The following OPCML variants were observed in gnomAD, a reference collection of about 807,000 sequenced individuals.
OPCML encodes opioid binding protein/cell adhesion molecule like, also known as opioid-binding protein/cell adhesion molecule.
A neutral mutation model predicts 37.8 loss-of-function variants in OPCML; 13 were observed. The observed-to-expected ratio is 0.34, with a 90% CI of 0.22 to 0.55. The LOEUF (loss-of-function observed/expected upper bound fraction) is 0.55, where lower values mean the gene tolerates loss of function less well. Ranked by LOEUF, OPCML falls within the 20% of genes least tolerant of loss-of-function variation. The pLI is 0.91. For synonymous variants in OPCML, 176 were observed against 168.8 expected (o/e 1.04, Z -0.33); for missense variants, 341 against 435.6 (o/e 0.78, Z 1.93).
At chr11:133,472,107 G>C (rs1947129489) in intron 1 of OPCML, among the ~76,000 whole-genome samples, 1 of 152,086 alleles carries the variant, frequency 6.6e-6, no homozygotes, top group Admixed American at 6.5e-5. Context: ...CTGTCAAAAA[G>C]ACAAGTGAAC....
chr11:132,775,712 T>C (rs1365754431), intron 2 of OPCML, among the ~76,000 whole-genome samples: 1 of 152,182 alleles, frequency 6.6e-6, no homozygotes, highest in African/African-American at 2.4e-5. Context: ...GCCCTGGGCA[T>C]CCTGCAGAGG....
intron 1 of OPCML, among the ~76,000 whole-genome samples, chr11:133,051,787 A>G (rs1948136276): frequency 6.6e-6 from 1 of 152,190 alleles, no homozygotes; most frequent in South Asian, 2.1e-4. Flanking sequence ...AACATTTCAA[A>G]TCCTGTACAA....
rs542012202 is a variant in OPCML, at chr11:133,479,612, T to C, written c.61+52652A>G. ...CAAGAAGGGCAGCACACCAAAGGAA[T>C]CCTACAGTGACTCAGGTCAAGCGTC... On this transcript the variant is annotated intron_variant, in intron 1 of 7. Transcript: ENST00000524381. 3.9e-5 allele frequency among the ~76,000 whole-genome samples: 6 copies of C among 152,238 alleles called. No homozygotes were observed. In the South Asian group the frequency reaches 1.0e-3, roughly 26 times the overall value.
At chr11:133,302,795 T>A (rs1400646373) in intron 1 of OPCML, among the ~76,000 whole-genome samples, 1 of 152,226 alleles carries the variant, frequency 6.6e-6, no homozygotes, top group Non-Finnish European at 1.5e-5. Context: ...TGAATCTAAA[T>A]TCTTATGAAT....
At chr11:133,470,296 A>C (rs1357300718) in intron 1 of OPCML, among the ~76,000 whole-genome samples, 2 of 152,216 alleles carry the variant, frequency 1.3e-5, no homozygotes, top group African/African-American at 4.8e-5. Context: ...GTTTTTGACC[A>C]TCACTCCCTT....
intron 1 of OPCML, among the ~76,000 whole-genome samples, chr11:133,397,171 G>A (rs1324530108): frequency 2.6e-5 from 4 of 152,200 alleles, no homozygotes; most frequent in Non-Finnish European, 5.9e-5. Flanking sequence ...TGTGAGTGGA[G>A]AGGGGATAAA....
chr11:132,897,453 A>G (rs1035503768), intron 2 of OPCML, among the ~76,000 whole-genome samples: 1 of 152,188 alleles, frequency 6.6e-6, no homozygotes, highest in African/African-American at 2.4e-5. Flanking sequence ...CTGGAGGTAC[A>G]AAGAAGTTAC....
At chr11:133,157,549 G>T (rs977945601) in intron 1 of OPCML, among the ~76,000 whole-genome samples, 1 of 152,176 alleles carries the variant, frequency 6.6e-6, no homozygotes, top group Non-Finnish European at 1.5e-5. Context: ...TATCAGCAAT[G>T]CCCATCCTTC....
chr11:132,539,385 G>A (rs1329439798), intron 3 of OPCML, among the ~76,000 whole-genome samples: 2 of 152,198 alleles, frequency 1.3e-5, no homozygotes, highest in African/African-American at 4.8e-5. Context: ...TGAAAATAGT[G>A]AATCTCAGGA....
At chr11:132,547,853 G>A (rs961407590) in intron 3 of OPCML, among the ~76,000 whole-genome samples, 3 of 152,114 alleles carry the variant, frequency 2.0e-5, no homozygotes, top group African/African-American at 7.2e-5. Context: ...GTGTCAAGCA[G>A]CGTGCATTGG....
intron 2 of OPCML, among the ~76,000 whole-genome samples, chr11:132,743,031 C>T (rs918709454): frequency 4.6e-5 from 7 of 151,944 alleles, no homozygotes; most frequent in African/African-American, 1.2e-4. Context: ...CAAATTCTTA[C>T]GTATTCCCAA....
intron 1 of OPCML, among the ~76,000 whole-genome samples, chr11:133,036,869 C>T (rs1488032298): frequency 2.0e-5 from 3 of 152,188 alleles, no homozygotes; most frequent in African/African-American, 7.2e-5. Context: ...AGTTGTCCCA[C>T]ATCTATTCCT....
chr11:133,505,674 G>A (rs182227160), intron 1 of OPCML, among the ~76,000 whole-genome samples: 122 of 152,222 alleles, frequency 8.0e-4, no homozygotes, highest in African/African-American at 2.3e-3. Context: ...TCTTATAATC[G>A]TTAACCATAA....
intron 1 of OPCML, among the ~76,000 whole-genome samples, chr11:133,105,571 A>T (rs538981569): frequency 6.6e-6 from 1 of 152,226 alleles, no homozygotes; most frequent in African/African-American, 2.4e-5. Flanking sequence ...AGATGTGAAG[A>T]TACATTCAGA....
intron 1 of OPCML, among the ~76,000 whole-genome samples, chr11:133,530,471 G>A (rs1948582614): frequency 6.6e-6 from 1 of 152,186 alleles, no homozygotes; most frequent in South Asian, 2.1e-4. Flanking sequence ...GTATGAGGAG[G>A]CCCCCCGGAG....
intron 1 of OPCML, among the ~76,000 whole-genome samples, chr11:132,976,031 A>G (rs953123231): frequency 2.6e-5 from 4 of 152,194 alleles, no homozygotes; most frequent in African/African-American, 9.7e-5. Flanking sequence ...CGGCCTAGCT[A>G]TCTCTTGAAA....
intron 2 of OPCML, among the ~76,000 whole-genome samples, chr11:132,864,396 GTCAC>G (rs1256966973): frequency 6.6e-5 from 10 of 152,188 alleles, no homozygotes; most frequent in African/African-American, 2.2e-4. Flanking sequence ...GCTCAAATCT[GTCAC>G]TCACTCACCA....
chr11:133,247,540 T>TTTCTTTCTTTCTTTC (rs1940971842), intron 1 of OPCML, among the ~76,000 whole-genome samples: 21 of 122,408 alleles, frequency 1.7e-4, no homozygotes, highest in African/African-American at 6.3e-4. Context: ...CTTTCCTTCT[T>TTTCTTTCTTTCTTTC]TTTCTTTCTT....
At chr11:133,363,641 C>G (rs894558699) in intron 1 of OPCML, among the ~76,000 whole-genome samples, 1 of 152,148 alleles carries the variant, frequency 6.6e-6, no homozygotes, top group Non-Finnish European at 1.5e-5. Context: ...CTCGCACCTG[C>G]ATGGAAAGCA....
Sources: gnomAD v4.1 joint callset for allele counts (sites outside exome capture counted in the v4.1 genomes callset) on GRCh38, gnomAD v4.1.1 for gene constraint, MANE v1.5 for transcripts, NCBI Gene and HGNC (gene_info 2026-07-23, HGNC 2026-07-21) for gene names.